HMGB1: variants seen among roughly 807,000 people sequenced by gnomAD.
The protein encoded by HMGB1 is high mobility group box 1.
For missense variants in HMGB1, 79 were observed against 253.5 expected (o/e 0.31, Z 4.67); for synonymous variants, 81 against 84.0 (o/e 0.96, Z 0.19).
intron 1 of HMGB1, among the ~76,000 whole-genome samples, chr13:30,496,906 C>T (rs1171736506): frequency 6.6e-6 from 1 of 152,118 alleles, no homozygotes; most frequent in Non-Finnish European, 1.5e-5. Flanking sequence ...CACCGCCCAC[C>T]AATATTCCCG....
intron 1 of HMGB1, among the ~76,000 whole-genome samples, chr13:30,507,982 G>A (rs1022686298): frequency 3.9e-5 from 6 of 152,136 alleles, no homozygotes; most frequent in Admixed American, 2.0e-4. Context: ...GGGCCACAGA[G>A]TGAGACTCTC....
chr13:30,519,417 CG>C (rs1888179915), intron 1 of HMGB1, among the ~76,000 whole-genome samples: 2 of 143,658 alleles, frequency 1.4e-5, no homozygotes, highest in South Asian at 4.5e-4. Context: ...GTAAAAAGGC[CG>C]GGCGCGGTGG....
chr13:30,505,930 C>T (rs184546280), intron 1 of HMGB1, among the ~76,000 whole-genome samples: 12 of 151,782 alleles, frequency 7.9e-5, no homozygotes, highest in African/African-American at 2.4e-4. Context: ...TTGTCATGTT[C>T]GCCAGGCTGG....
intron 1 of HMGB1, among the ~76,000 whole-genome samples, chr13:30,548,446 G>A (rs530423938): frequency 4.4e-4 from 67 of 152,238 alleles, no homozygotes; most frequent in Non-Finnish European, 7.8e-4. Context: ...TTAACAGCAC[G>A]AGAATGGACT....
intron 1 of HMGB1, among the ~76,000 whole-genome samples, chr13:30,491,834 G>A (rs755021204): frequency 6.6e-6 from 1 of 152,122 alleles, no homozygotes; most frequent in Non-Finnish European, 1.5e-5. Context: ...AGAGAAAACT[G>A]ATAAACTAAA....
intron 1 of HMGB1, among the ~76,000 whole-genome samples, chr13:30,511,995 G>A (rs1566011184): frequency 6.6e-6 from 1 of 152,114 alleles, no homozygotes; most frequent in Non-Finnish European, 1.5e-5. Context: ...TACCTGAGAT[G>A]CACCTGATTA....
rs962116808 is a variant in HMGB1 at position 30,458,961 on chromosome 13, T to C, written c.*2396A>G. The C allele has an allele frequency of 6.6e-6, 1 of 152,182 alleles. No homozygotes were observed. The highest frequency in any genetic ancestry group is 2.4e-5 in the African/African-American group (1 of 41,428). 9.4% of individuals were successfully genotyped at this position (152,182 alleles called of 1,614,324 possible). ...CGTTAATCAATATGCCATATGCCTA[T>C]CTTTAAAATACAAAAAAACTAAGAT... On this transcript the variant is annotated 3_prime_UTR_variant, in exon 5 of 5. Coordinates refer to ENST00000341423, the MANE Select transcript of HMGB1 (RefSeq NM_002128.7).
chr13:30,539,729 G>T, intron 1 of HMGB1: 1 of 171,104 alleles, frequency 5.8e-6, no homozygotes, highest in South Asian at 1.3e-4. Context: ...TGGTGGGGGT[G>T]GCAGGGCAAT....
At chr13:30,586,505 T>G (rs1871159921) in intron 1 of HMGB1, among the ~76,000 whole-genome samples, 1 of 92,414 alleles carries the variant, frequency 1.1e-5, no homozygotes, top group Admixed American at 1.2e-4. Context: ...TTTTTTTTTT[T>G]GAGATGGAGT....
At chr13:30,560,657 T>C (rs1447052684) in intron 1 of HMGB1, among the ~76,000 whole-genome samples, 1 of 152,020 alleles carries the variant, frequency 6.6e-6, no homozygotes, top group East Asian at 1.9e-4. Context: ...AGGCTTGGGG[T>C]TGGGCTTAAA....
In HMGB1 at chr13:30,459,122, A is replaced by G. The variant is rs1424472651; in HGVS notation, c.*2235T>C. The G allele has an allele frequency of 6.6e-6, 1 of 152,088 alleles. No homozygotes were observed. The highest frequency in any genetic ancestry group is 2.1e-4 in the South Asian group (1 of 4,832). 9.4% of individuals were successfully genotyped at this position (152,088 alleles called of 1,614,324 possible). On this transcript the variant is annotated 3_prime_UTR_variant, in exon 5 of 5. Coordinates refer to ENST00000341423, the MANE Select transcript of HMGB1 (RefSeq NM_002128.7). ...GCACTGTAACTATCTTGGCATTAAA[A>G]TAGTTTCTATACACTTTCTAAAAAA...
intron 1 of HMGB1, among the ~76,000 whole-genome samples, chr13:30,497,759 TC>T (rs1400039010): frequency 6.6e-6 from 1 of 152,170 alleles, no homozygotes; most frequent in African/African-American, 2.4e-5. Flanking sequence ...TCCAGCTCTA[TC>T]CATCTTGCTG....
intron 3 of HMGB1, among the ~76,000 whole-genome samples, 157 bp from the exon 4 acceptor site, chr13:30,462,869 C>A (rs1302115247): frequency 6.6e-6 from 1 of 152,150 alleles, no homozygotes; most frequent in African/African-American, 2.4e-5. Flanking sequence ...CCTTCACAAC[C>A]AAAGCTTAAT....
intron 1 of HMGB1, among the ~76,000 whole-genome samples, chr13:30,616,503 G>A (rs978877859): frequency 3.3e-5 from 5 of 152,104 alleles, no homozygotes; most frequent in African/African-American, 1.2e-4. Flanking sequence ...AAGTAGCAGT[G>A]GTGAACAAGA....
chr13:30,471,524 T>G (rs1334077779), intron 1 of HMGB1, among the ~76,000 whole-genome samples: 1 of 150,736 alleles, frequency 6.6e-6, no homozygotes, highest in African/African-American at 2.4e-5. Flanking sequence ...ATTTTTTTTT[T>G]TTGTATTTTT....
Position 30,603,083 on chromosome 13 carries a change from A to G in HMGB1, c.-15+13588T>C, listed in dbSNP as rs193180552. ...TGGCCTCTCCAAGTGTTAGGATTAC[A>G]GGTATAAGCCACCGTGCAGCCTTAT... On this transcript the variant is annotated intron_variant, in intron 1 of 4. Coordinates refer to the HMGB1 transcript ENST00000405805. 2.6e-3 allele frequency among the ~76,000 whole-genome samples: 398 copies of G among 152,320 alleles called. 5 individuals carry two copies. The highest frequency in any genetic ancestry group is 9.2e-3 in the African/African-American group (384 of 41,580).
intron 1 of HMGB1, among the ~76,000 whole-genome samples, chr13:30,510,610 A>G (rs1887971113): frequency 6.6e-6 from 1 of 151,890 alleles, no homozygotes; most frequent in Non-Finnish European, 1.5e-5. Context: ...CTCAGTTTGT[A>G]TGAAAATACC....
intron 1 of HMGB1, among the ~76,000 whole-genome samples, chr13:30,513,996 G>A (rs58225147): frequency 0.096 from 14,614 of 151,776 alleles, 1,013 homozygotes; most frequent in East Asian, 0.19. Flanking sequence ...TGATCCTCTC[G>A]CCTCAGCTCC....
At chr13:30,498,309 G>C (rs1469969795) in intron 1 of HMGB1, among the ~76,000 whole-genome samples, 3 of 152,102 alleles carry the variant, frequency 2.0e-5, no homozygotes, top group African/African-American at 7.2e-5. Flanking sequence ...AACAGAGTGA[G>C]ACTCCATCTC....
Sources: allele counts gnomAD v4.1 joint callset (sites outside exome capture counted in the v4.1 genomes callset), GRCh38; gene constraint gnomAD v4.1.1; transcripts MANE v1.5; gene names NCBI Gene and HGNC (gene_info 2026-07-23, HGNC 2026-07-21).